The following CLDN10 variants were observed in gnomAD, a reference collection of about 807,000 sequenced individuals.
CLDN10 encodes the protein claudin-10.
Under a neutral mutation model 22.9 loss-of-function variants are expected in CLDN10, and 15 were observed. The ratio of observed to expected loss-of-function variants is 0.65; its 90% CI spans 0.44 to 1.01. The LOEUF is 1.01. Ranked by LOEUF, CLDN10 falls within the 50% of genes least tolerant of loss-of-function variation. The pLI is 0.00. For missense variants in CLDN10, 247 were observed against 287.8 expected (o/e 0.86, Z 1.03); for synonymous variants, 114 against 111.4 (o/e 1.02, Z -0.15).
At chr13:95,517,003 CT>C (rs1352204323) in intron 1 of CLDN10, among the ~76,000 whole-genome samples, 91 of 146,494 alleles carry the variant, frequency 6.2e-4, no homozygotes, top group African/African-American at 2.2e-3. Flanking sequence ...TCCTTCCTTC[CT>C]TCCTTCCTTC....
intron 1 of CLDN10, among the ~76,000 whole-genome samples, chr13:95,556,311 G>C (rs977425849): frequency 6.6e-6 from 1 of 152,144 alleles, no homozygotes; most frequent in South Asian, 2.1e-4. Flanking sequence ...CTCTCAAAGT[G>C]CTGGGATTAC....
intron 1 of CLDN10, among the ~76,000 whole-genome samples, chr13:95,555,108 T>G (rs980221256): frequency 6.8e-6 from 1 of 146,448 alleles, no homozygotes; most frequent in Non-Finnish European, 1.5e-5. Context: ...TGGAGTGCAG[T>G]GGCACAATCT....
chr13:95,507,219 C>T (rs562045642), intron 1 of CLDN10, among the ~76,000 whole-genome samples: 2 of 152,264 alleles, frequency 1.3e-5, no homozygotes, highest in African/African-American at 4.8e-5. Context: ...AACAGATAAA[C>T]ATTTTTGAGT....
intron 1 of CLDN10, among the ~76,000 whole-genome samples, chr13:95,456,175 T>C (rs2042480353): frequency 6.6e-6 from 1 of 152,228 alleles, no homozygotes; most frequent in African/African-American, 2.4e-5. Flanking sequence ...GTGAAACTTT[T>C]AATTTCATAT....
chr13:95,520,383 T>C (rs1252856853), intron 1 of CLDN10, among the ~76,000 whole-genome samples: 1 of 152,226 alleles, frequency 6.6e-6, no homozygotes, highest in African/African-American at 2.4e-5. Context: ...TATTTATTTA[T>C]TTATTTAGAG....
chr13:95,546,698 G>A (rs2043512952), intron 1 of CLDN10, among the ~76,000 whole-genome samples: 1 of 152,076 alleles, frequency 6.6e-6, no homozygotes, highest in Non-Finnish European at 1.5e-5. Flanking sequence ...CTAGAGAGAG[G>A]AGCAAGTATC....
chr13:95,435,104 T>C (rs563767247), intron 1 of CLDN10, among the ~76,000 whole-genome samples: 2 of 151,204 alleles, frequency 1.3e-5, no homozygotes, highest in South Asian at 4.2e-4. Context: ...AGGGAACATA[T>C]ATTTTTTAAG....
chr13:95,560,031 C>T, intron 1 of CLDN10, 101 bp from the exon 2 acceptor site: 2 of 1,162,972 alleles, frequency 1.7e-6, no homozygotes, highest in Non-Finnish European at 2.5e-6. Context: ...TCACAGTTAT[C>T]TTTTTGGAAA....
chr13:95,550,805 G>A (rs1033684941), upstream of CLDN10, among the ~76,000 whole-genome samples: 17 of 145,056 alleles, frequency 1.2e-4, no homozygotes, highest in African/African-American at 4.3e-4. Flanking sequence ...TGAGAAGGAA[G>A]AGGTTAGGAA....
intron 1 of CLDN10, among the ~76,000 whole-genome samples, chr13:95,456,977 G>T (rs1158317913): frequency 6.6e-6 from 1 of 152,152 alleles, no homozygotes; most frequent in Non-Finnish European, 1.5e-5. Flanking sequence ...GACAGATGGA[G>T]TCTCTGCCAG....
intron 1 of CLDN10, among the ~76,000 whole-genome samples, chr13:95,532,285 A>G (rs2043352016): frequency 6.6e-6 from 1 of 152,206 alleles, no homozygotes; most frequent in Non-Finnish European, 1.5e-5. Flanking sequence ...CTGGTATAGA[A>G]ACAGCTCTTA....
Position 95,464,890 on chromosome 13 carries a change from C to G in CLDN10, c.214+30843C>G, listed in dbSNP as rs372102604. 1.6e-4 allele frequency among the ~76,000 whole-genome samples: 24 copies of G among 152,204 alleles called. No individual in the cohort carries two copies. In the East Asian group the frequency reaches 3.7e-3, roughly 23 times the overall value. On this transcript the variant is annotated intron_variant, in intron 1 of 4. Transcript: ENST00000376873. ...GGAATTACAGGTGTGCAGCACATGG[C>G]TAATTTTTGTATTTTTTGTAGAGAT...
intron 1 of CLDN10, among the ~76,000 whole-genome samples, chr13:95,444,588 A>C (rs1367081269): frequency 6.6e-6 from 1 of 152,128 alleles, no homozygotes; most frequent in African/African-American, 2.4e-5. Context: ...CTTCTCAAAG[A>C]GCTGAGGCTT....
intron 1 of CLDN10, among the ~76,000 whole-genome samples, chr13:95,451,625 C>G (rs2042432599): frequency 6.6e-6 from 1 of 152,186 alleles, no homozygotes; most frequent in Non-Finnish European, 1.5e-5. Flanking sequence ...CTTTGCTACT[C>G]TGCCTTGCAT....
chr13:95,435,124 A>G (rs543171438), intron 1 of CLDN10, among the ~76,000 whole-genome samples: 154 of 152,298 alleles, frequency 1.0e-3, no homozygotes, highest in African/African-American at 3.5e-3. Flanking sequence ...GGACATTTTC[A>G]TACTCCAGAA....
intron 1 of CLDN10, among the ~76,000 whole-genome samples, chr13:95,511,181 C>T (rs1253451613): frequency 6.6e-6 from 1 of 152,082 alleles, no homozygotes; most frequent in Non-Finnish European, 1.5e-5. Context: ...TTTTTTCATA[C>T]ATCTGAAAGT....
chr13:95,508,153 G>T (rs2138554491), intron 1 of CLDN10, among the ~76,000 whole-genome samples: 1 of 152,002 alleles, frequency 6.6e-6, no homozygotes. Context: ...AAAGCATCTG[G>T]CACACCCTGA....
intron 1 of CLDN10, among the ~76,000 whole-genome samples, chr13:95,460,653 G>A (rs1228117821): frequency 6.6e-6 from 1 of 152,138 alleles, no homozygotes; most frequent in Non-Finnish European, 1.5e-5. Flanking sequence ...CGAGGATTAT[G>A]GGGATTACAA....
chr13:95,458,836 C>A (rs2042507806), intron 1 of CLDN10, among the ~76,000 whole-genome samples: 1 of 152,170 alleles, frequency 6.6e-6, no homozygotes. Flanking sequence ...CCAGTATTAA[C>A]CCAAAAGTCC....
Sources: allele counts gnomAD v4.1 joint callset (sites outside exome capture counted in the v4.1 genomes callset), GRCh38; gene constraint gnomAD v4.1.1; transcripts MANE v1.5; gene names NCBI Gene and HGNC (gene_info 2026-07-23, HGNC 2026-07-21).